Variants in SMARCA4 observed in about 807,000 individuals in gnomAD.
The protein encoded by SMARCA4 is SWI/SNF related BAF chromatin remodeling complex subunit ATPase 4, also known as SWI/SNF-related matrix-associated actin-dependent regulator of chromatin subfamily A member 4.
SMARCA4 carries 31 observed loss-of-function variants against 193.9 expected under a neutral mutation model. That is an observed-to-expected ratio of 0.16 (90% confidence interval 0.12 to 0.22). The LOEUF is 0.22. Among genes scored for constraint, SMARCA4 ranks in the 10% least tolerant of loss-of-function variants. SMARCA4 has a pLI of 1.00. For synonymous variants in SMARCA4, 942 were observed against 933.1 expected, an observed-to-expected ratio of 1.01 and a Z score of -0.17; for missense variants, 1,148 against 2,296.0, an observed-to-expected ratio of 0.50 and a Z score of 10.22.
chr19:11,005,570 C>T (rs530960814), intron 13 of SMARCA4, among the ~76,000 whole-genome samples: 5 of 152,284 alleles, frequency 3.3e-5, no homozygotes, highest in African/African-American at 1.2e-4. Flanking sequence ...TATGCACAGA[C>T]TCAGCCTCAG....
At chr19:11,012,873 G>A in intron 15 of SMARCA4, 76 bp from the exon 16 acceptor site, 1 of 1,420,242 alleles carries the variant, frequency 7.0e-7, no homozygotes, top group Non-Finnish European at 9.9e-7. Flanking sequence ...GCGGTGTCTT[G>A]ACTCTCTGAA....
At chr19:11,015,271 C>G (rs535298503) in intron 16 of SMARCA4, among the ~76,000 whole-genome samples, 16 of 152,332 alleles carry the variant, frequency 1.1e-4, no homozygotes, top group South Asian at 8.3e-4. Context: ...ATTTACCAAT[C>G]TTGTCAGTTT....
In SMARCA4 at chr19:10,986,823, G is replaced by T; in HGVS notation, c.761-82G>T. Reference sequence around the variant, plus strand: ...AATAGGTGTATCTGCTGTGTCCCCTGGAGCCAGGGCTGCCCACGGGGCTGG... The same window carrying T: ...AATAGGTGTATCTGCTGTGTCCCCTTGAGCCAGGGCTGCCCACGGGGCTGG... On this transcript the variant is annotated intron_variant, in intron 4 of 34. Coordinates refer to ENST00000344626, the MANE Select transcript of SMARCA4 (RefSeq NM_003072.5). This position sits in a 1 kb window ranked among gnomAD's most constrained non-coding sequence, Gnocchi z 6.7. 2.2e-6 allele frequency: 3 copies of T among 1,340,644 alleles called. No homozygotes were observed. The highest frequency in any genetic ancestry group is 3.2e-6 in the Non-Finnish European group (3 of 936,130). The allele number at this position is 1,340,644 out of a possible 1,614,324, so 83.0% of individuals were successfully genotyped here. A position where few individuals can be genotyped will look rare whatever the true frequency, so the allele number is the denominator to read the frequency against.
At position 10,984,174 on chromosome 19, in the gene SMARCA4, T is replaced by G; in HGVS notation, c.23T>G (p.Leu8Arg). The G allele has an allele frequency of 6.2e-7, 1 of 1,613,624 alleles. No individual in the cohort carries two copies. The highest frequency in any genetic ancestry group is 1.3e-5 in the African/African-American group (1 of 75,046). Residue 8 changes from leucine (L) to arginine (R), a missense_variant, in exon 2 of 35, where the codon CTG becomes CGG. This residue lies in a region of SMARCA4 where 201 missense variants were observed against 248.3 expected (regional missense o/e 0.81). Coordinates refer to ENST00000344626, the MANE Select transcript of SMARCA4 (RefSeq NM_003072.5). The surrounding 1 kb of genome is among the most constrained non-coding windows in gnomAD (Gnocchi z 4.3). Reference sequence around the variant, plus strand: ...AAGATGTCCACTCCAGACCCACCCCTGGGCGGAACTCCTCGGCCAGGTCCT... The same window carrying G: ...AAGATGTCCACTCCAGACCCACCCCGGGGCGGAACTCCTCGGCCAGGTCCT... MSTPDPP[L>R]GGTPRPGPSP...
rs34525605 is a variant in SMARCA4, at chr19:11,053,451, C to CAAA, written c.4425-4789_4425-4787dup. 9.4e-3 allele frequency among the ~76,000 whole-genome samples: 609 copies of CAAA among 64,674 alleles called. 11 individuals are homozygous for CAAA. Among genetic ancestry groups the CAAA allele is most frequent in the African/African-American group, 0.033 (561 of 16,892 alleles). The allele number at this position is 64,674 out of a possible 152,430, so 42.4% of individuals were successfully genotyped here. On this transcript the variant is annotated intron_variant, in intron 30 of 34. Transcript: ENST00000344626. ...TGGGTGACAGAGTGAGACTCCGTCT[C>CAAA]AAAAAAAAAAAAAAAAAGAAAGAAA... is the stretch of plus-strand genomic sequence containing the variant.
Position 10,986,770 on chromosome 19 carries a change from C to A in SMARCA4, c.761-135C>A. 2.5e-6 allele frequency: 3 copies of A among 1,211,986 alleles called. No individual in the cohort carries two copies. The highest frequency in any genetic ancestry group is 3.5e-6 in the Non-Finnish European group (3 of 846,536). The allele number at this position is 1,211,986 out of a possible 1,614,324, so 75.1% of individuals were successfully genotyped here. The stretch of plus-strand genomic sequence containing the variant: ...GGGCAGCTAAATGCTGCTTCCCCAG[C>A]TCCCCGCTTCCCCTGGGGCCGCTGG... On this transcript the variant is annotated intron_variant, in intron 4 of 34. Coordinates refer to ENST00000344626, the MANE Select transcript of SMARCA4 (RefSeq NM_003072.5). The surrounding 1 kb of genome is among the most constrained non-coding windows in gnomAD (Gnocchi z 6.7).
rs2145728137 is a variant in SMARCA4 at position 10,984,395 on chromosome 19, T to C, written c.222+22T>C. ...CAAGGTAGGGATCCCTGTGCCCGCC[T>C]CGCACCTGCGGCCTCTGCCCACTAG... is the stretch of plus-strand genomic sequence containing the variant. On this transcript the variant is annotated intron_variant, in intron 2 of 34. Coordinates refer to ENST00000344626, the MANE Select transcript of SMARCA4 (RefSeq NM_003072.5). This position sits in a 1 kb window ranked among gnomAD's most constrained non-coding sequence, Gnocchi z 4.3. 6.4e-7 allele frequency: 1 copy of C among 1,559,748 alleles called. No individual in the cohort carries two copies. The highest frequency in any genetic ancestry group is 8.7e-7 in the Non-Finnish European group (1 of 1,152,020).
rs1243496620 is a variant in SMARCA4, at chr19:11,026,494, A to G, written c.3215+148A>G. 16 of 627,914 alleles carry G rather than the reference A, an allele frequency of 2.5e-5. No homozygotes were observed. In the Middle Eastern group the frequency reaches 1.6e-3, roughly 64 times the overall value. The allele number at this position is 627,914 out of a possible 1,614,324, so 38.9% of individuals were successfully genotyped here. The stretch of plus-strand genomic sequence containing the variant: ...AGAAGAATCCAAAGCAAATAATACA[A>G]ATCTTTTTTTTTTTTTTTTTTTGAG... On this transcript the variant is annotated intron_variant, in intron 23 of 34. Coordinates refer to ENST00000344626, the MANE Select transcript of SMARCA4 (RefSeq NM_003072.5).
chr19:11,048,966 A>G (rs532043990), intron 30 of SMARCA4, among the ~76,000 whole-genome samples: 2 of 152,228 alleles, frequency 1.3e-5, no homozygotes, highest in South Asian at 2.1e-4. Flanking sequence ...GGTCCTTTAC[A>G]TTGTATACAC....
Position 11,003,076 on chromosome 19 carries a change from C to A in SMARCA4, c.1860C>A (p.Ile620=), listed in dbSNP as rs141751028. The A allele has an allele frequency of 1.2e-6, 2 of 1,614,066 alleles. No individual in the cohort carries two copies. Among genetic ancestry groups the A allele is most frequent in the South Asian group, 1.1e-5 (1 of 91,088 alleles). The change falls in exon 12 of 35, where the codon ATC becomes ATA. Residue 620 remains isoleucine (I), a synonymous_variant. Coordinates refer to ENST00000344626, the MANE Select transcript of SMARCA4 (RefSeq NM_003072.5). ...SQMSDLPVKV[I]HVESGKILTG... ...TGAGCGACCTCCCGGTGAAGGTGATCCACGTGGAGAGTGGGAAGATCCTCA... is the reference window on the plus strand; with the variant it reads ...TGAGCGACCTCCCGGTGAAGGTGATACACGTGGAGAGTGGGAAGATCCTCA...
At chr19:11,045,598 A>T (rs1443985231) in intron 30 of SMARCA4, among the ~76,000 whole-genome samples, 1 of 152,090 alleles carries the variant, frequency 6.6e-6, no homozygotes, top group Non-Finnish European at 1.5e-5. Flanking sequence ...GCTTATTAAG[A>T]ACCTGAATAT....
At chr19:10,982,241 G>A (rs964812829) in intron 1 of SMARCA4, among the ~76,000 whole-genome samples, 27 of 152,148 alleles carry the variant, frequency 1.8e-4, no homozygotes, top group African/African-American at 6.5e-4. Context: ...TTGGGAGGTC[G>A]AGGCGGTTGG....
intron 16 of SMARCA4, among the ~76,000 whole-genome samples, chr19:11,016,396 A>G (rs549850038): frequency 4.5e-4 from 68 of 152,326 alleles, no homozygotes; most frequent in African/African-American, 1.5e-3. Context: ...AGCAAACGTC[A>G]GATAAGTCTT....
intron 18 of SMARCA4, among the ~76,000 whole-genome samples, chr19:11,020,314 A>C (rs1443012800): frequency 6.6e-6 from 1 of 151,584 alleles, no homozygotes; most frequent in Non-Finnish European, 1.5e-5. Context: ...GCCTCCAAAA[A>C]CTCATGTTCC....
intron 1 of SMARCA4, among the ~76,000 whole-genome samples, chr19:10,969,433 T>C (rs1030338576): frequency 2.0e-5 from 3 of 151,562 alleles, no homozygotes; most frequent in South Asian, 2.1e-4. Flanking sequence ...TTCTTTCTTT[T>C]TTTTTTCTTT....
Position 11,039,531 on chromosome 19 carries a change from A to G in SMARCA4, c.4171-1776A>G, listed in dbSNP as rs1427210237. On this transcript the variant is annotated intron_variant, in intron 29 of 34. Transcript: ENST00000344626. ...GGGCTACAATTCCAGCGTGGCCTTC[A>G]GTTCTGCACACGTGCGTCAAAGGTG... is the stretch of plus-strand genomic sequence containing the variant. 1 of 1,602,352 alleles carries G rather than the reference A, an allele frequency of 6.2e-7. No homozygotes were observed. The highest frequency in any genetic ancestry group is 8.5e-7 in the Non-Finnish European group (1 of 1,175,296).
At chr19:11,052,631 C>T (rs1462163016) in intron 30 of SMARCA4, among the ~76,000 whole-genome samples, 1 of 152,220 alleles carries the variant, frequency 6.6e-6, no homozygotes, top group Non-Finnish European at 1.5e-5. Context: ...GGACTTGAGG[C>T]ATTTTCTGAC....
intron 30 of SMARCA4, among the ~76,000 whole-genome samples, chr19:11,043,189 G>A (rs2075718696): frequency 6.6e-6 from 1 of 152,130 alleles, no homozygotes. Flanking sequence ...TACTCGGGAG[G>A]CTGAGGTAGG....
At chr19:11,037,995 A>C (rs778371652) in intron 29 of SMARCA4, among the ~76,000 whole-genome samples, 25 of 152,238 alleles carry the variant, frequency 1.6e-4, no homozygotes, top group Non-Finnish European at 2.4e-4. Flanking sequence ...AATTGGCACC[A>C]CTTTTCTGGC....
Sources: allele counts gnomAD v4.1 joint callset (sites outside exome capture counted in the v4.1 genomes callset), GRCh38; gene constraint gnomAD v4.1.1; regional missense constraint gnomAD v4.1.1; non-coding constraint Gnocchi (gnomAD v3.1); transcripts MANE v1.5; gene names NCBI Gene and HGNC (gene_info 2026-07-23, HGNC 2026-07-21).